Variants in AKAP3 observed in about 807,000 individuals in gnomAD.
AKAP3 encodes A-kinase anchor protein 3.
AKAP3 carries 27 observed loss-of-function variants against 57.2 expected under a neutral mutation model. The observed-to-expected ratio is 0.47, with a 90% CI of 0.35 to 0.65. The LOEUF (loss-of-function observed/expected upper bound fraction) is 0.65, where lower values mean the gene tolerates loss of function less well. AKAP3 is among the 30% of genes least tolerant of loss of function. The probability of loss-of-function intolerance (pLI) is 0.01; values close to 1 mark genes in which losing one functional copy is unlikely to be tolerated. For synonymous variants in AKAP3, 334 were observed against 392.3 expected (o/e 0.85, Z 1.76); for missense variants, 959 against 1,040.0 (o/e 0.92, Z 1.07).
intron 4 of AKAP3, among the ~76,000 whole-genome samples, chr12:4,630,434 A>C (rs1945482994): frequency 6.6e-6 from 1 of 152,036 alleles, no homozygotes; most frequent in Admixed American, 6.6e-5. Context: ...CTCCACGTCT[A>C]CAATATCCTG....
chr12:4,644,805 T>A (rs892294459), intron 2 of AKAP3, among the ~76,000 whole-genome samples: 1 of 152,088 alleles, frequency 6.6e-6, no homozygotes, highest in South Asian at 2.1e-4. Flanking sequence ...TCTCAGCTAC[T>A]CGGGAGTCTG....
chr12:4,649,017 C>A lies in AKAP3; in HGVS notation c.-517G>T. 1 of 1,265,038 alleles carries A rather than the reference C, an allele frequency of 7.9e-7. No individual in the cohort carries two copies. Among genetic ancestry groups the A allele is most frequent in the Non-Finnish European group, 1.1e-6 (1 of 894,170 alleles). 78.4% of individuals were successfully genotyped at this position (1,265,038 alleles called of 1,614,324 possible). ...TTCTTAACCAACAATCTACCCGAAA[C>A]CGTCGTTTCTTGGTTAGCGCTTGCG... On this transcript the variant is annotated 5_prime_UTR_variant, in exon 1 of 6. Transcript: ENST00000228850.
chr12:4,635,620 A>C lies in AKAP3; in HGVS notation c.96+2481T>G, dbSNP rs1026138973. On this transcript the variant is annotated intron_variant, in intron 4 of 5. Transcript: ENST00000228850. Reference sequence around the variant, plus strand: ...CTGATAAAGCTATTACAATATCAGGACATGCTTGCCTCTGAAGTTCTTTAA... The same window carrying C: ...CTGATAAAGCTATTACAATATCAGGCCATGCTTGCCTCTGAAGTTCTTTAA... 30 of 762,340 alleles carry C rather than the reference A, an allele frequency of 3.9e-5. No individual in the cohort carries two copies. In the African/African-American group the frequency reaches 4.0e-4, roughly 10 times the overall value. 47.2% of individuals were successfully genotyped at this position (762,340 alleles called of 1,614,324 possible). A position where few individuals can be genotyped will look rare whatever the true frequency, so the allele number is the denominator to read the frequency against.
chr12:4,641,206 A>C (rs1279907318), intron 3 of AKAP3, among the ~76,000 whole-genome samples: 1 of 151,120 alleles, frequency 6.6e-6, no homozygotes, highest in Non-Finnish European at 1.5e-5. Flanking sequence ...GGGAGTATCT[A>C]ATTCCTTTAG....
chr12:4,639,246 C>G (rs1271558579), intron 3 of AKAP3, among the ~76,000 whole-genome samples: 1 of 152,054 alleles, frequency 6.6e-6, no homozygotes, highest in Non-Finnish European at 1.5e-5. Context: ...GTATGAGAAC[C>G]TTCTCTTTGC....
intron 4 of AKAP3, chr12:4,635,355 C>T: frequency 1.7e-6 from 1 of 583,762 alleles, no homozygotes; most frequent in East Asian, 3.5e-5. Context: ...GTTACTACAA[C>T]ACTGACTCCT....
intron 5 of AKAP3, among the ~76,000 whole-genome samples, chr12:4,624,193 CAT>C (rs995778003): frequency 1.5e-4 from 22 of 151,582 alleles, no homozygotes; most frequent in Non-Finnish European, 2.4e-4. Flanking sequence ...ATATATAAAA[CAT>C]ATATGATATA....
chr12:4,617,153 A>G (rs2137422315), intron 5 of AKAP3, among the ~76,000 whole-genome samples: 1 of 152,344 alleles, frequency 6.6e-6, no homozygotes, highest in South Asian at 2.1e-4. Flanking sequence ...CAGAAACCAT[A>G]GAGGACAGAA....
At chr12:4,635,157 G>A (rs1260076075) in intron 4 of AKAP3, among the ~76,000 whole-genome samples, 2 of 152,120 alleles carry the variant, frequency 1.3e-5, no homozygotes, top group South Asian at 2.1e-4. Context: ...TGAAACATTA[G>A]TAAGAGGGAC....
rs138732532 is a variant in AKAP3, at chr12:4,636,677, C to T, written c.96+1424G>A. Reference sequence around the variant, plus strand: ...TTTCTTTTTAAAACTTTATATAGATCGACCAGATTTGGACAAATAGAAGAA... The same window carrying T: ...TTTCTTTTTAAAACTTTATATAGATTGACCAGATTTGGACAAATAGAAGAA... On this transcript the variant is annotated intron_variant, in intron 4 of 5. Transcript: ENST00000228850. Among the ~76,000 whole-genome samples the T allele has an allele frequency of 5.9e-5, 9 of 152,162 alleles. No individual in the cohort carries two copies. The East Asian group carries it at 1.2e-3, about 20-fold the overall frequency.
Position 4,628,700 on chromosome 12 carries a change from C to T in AKAP3, c.202G>A (p.Gly68Ser), listed in dbSNP as rs1451228842. ...TCTCCTGAGTTGGACGTTTCCCCAC[C>T]AAATGATTCTCCGGGTTTGAACCGA... ...DVRFKPGESF[G>S]GETSNSGDPH... The change falls in exon 5 of 6, where the codon GGT becomes AGT. Residue 68 changes from glycine to serine, a missense_variant. By Grantham distance (56) the Gly-to-Ser change is moderately conservative. Coordinates refer to ENST00000228850, the MANE Select transcript of AKAP3 (RefSeq NM_001278309.2). The T allele has an allele frequency of 6.2e-7, 1 of 1,613,986 alleles. No individual in the cohort carries two copies. Among genetic ancestry groups the T allele is most frequent in the African/African-American group, 1.3e-5 (1 of 74,910 alleles).
chr12:4,634,380 T>C (rs1255600485), intron 4 of AKAP3, among the ~76,000 whole-genome samples: 1 of 152,204 alleles, frequency 6.6e-6, no homozygotes, highest in Non-Finnish European at 1.5e-5. Flanking sequence ...TTGTATACTT[T>C]TAAGCAACTC....
chr12:4,633,963 C>A (rs1329970307), intron 4 of AKAP3, among the ~76,000 whole-genome samples: 1 of 130,110 alleles, frequency 7.7e-6, no homozygotes, highest in East Asian at 2.4e-4. Flanking sequence ...AGTGACATAT[C>A]TATATTCTTT....
intron 5 of AKAP3, among the ~76,000 whole-genome samples, chr12:4,621,435 A>G (rs894287084): frequency 7.2e-5 from 11 of 152,236 alleles, no homozygotes; most frequent in African/African-American, 2.7e-4. Flanking sequence ...TGTGAGCTCC[A>G]TTCATGGTAA....
intron 4 of AKAP3, 75 bp from the exon 5 acceptor site, chr12:4,628,880 AG>A: frequency 6.8e-7 from 1 of 1,469,998 alleles, no homozygotes; most frequent in Admixed American, 2.2e-5. Flanking sequence ...CTCAAAGTTC[AG>A]TTACAAATGT....
rs750328143 is a variant in AKAP3, at chr12:4,626,483, C to CT, written c.2406+12dup. 1.9e-6 allele frequency: 3 copies of CT among 1,607,984 alleles called. No homozygotes were observed. The Admixed American group carries it at 5.0e-5, about 27-fold the overall frequency. The stretch of plus-strand genomic sequence containing the variant: ...TAATAAAGCTTCCAAATTCCTCTGC[C>CT]TTTGTTTCTTACCTTCTCCTGGATC... On this transcript the variant is annotated intron_variant, in intron 5 of 5. Coordinates refer to ENST00000228850, the MANE Select transcript of AKAP3 (RefSeq NM_001278309.2).
chr12:4,634,517 A>C (rs1479716006), intron 4 of AKAP3, among the ~76,000 whole-genome samples: 1 of 152,212 alleles, frequency 6.6e-6, no homozygotes, highest in Non-Finnish European at 1.5e-5. Flanking sequence ...CATTGACTAC[A>C]TTGTGTCACA....
chr12:4,635,665 A>G, intron 4 of AKAP3: 2 of 778,418 alleles, frequency 2.6e-6, no homozygotes, highest in South Asian at 1.5e-5. Flanking sequence ...TTGCTCTTGC[A>G]AAGGACTCCT....
chr12:4,631,572 T>A (rs1945499099), intron 4 of AKAP3, among the ~76,000 whole-genome samples: 1 of 151,642 alleles, frequency 6.6e-6, no homozygotes, highest in African/African-American at 2.4e-5. Context: ...TTAAAGGAAG[T>A]TTATTCTGAT....
Sources: gnomAD v4.1 joint callset for allele counts (sites outside exome capture counted in the v4.1 genomes callset) on GRCh38, gnomAD v4.1.1 for gene constraint, MANE v1.5 for transcripts, NCBI Gene and HGNC (gene_info 2026-07-23, HGNC 2026-07-21) for gene names.